GALNTL6: variants seen among roughly 807,000 people sequenced by gnomAD.
GALNTL6 encodes the protein polypeptide N-acetylgalactosaminyltransferase-like 6.
A neutral mutation model predicts 73.7 loss-of-function variants in GALNTL6; 46 were observed. That is an observed-to-expected ratio of 0.62 (90% CI 0.49 to 0.80). The LOEUF (loss-of-function observed/expected upper bound fraction) is 0.80, where lower values mean the gene tolerates loss of function less well. GALNTL6 is among the 30% of genes least tolerant of loss of function. The pLI, the probability that GALNTL6 is intolerant of heterozygous loss-of-function variation, is 0.00. For synonymous variants in GALNTL6, 259 were observed against 263.7 expected, an observed-to-expected ratio of 0.98 and a Z score of 0.17; for missense variants, 604 against 755.0, an observed-to-expected ratio of 0.80 and a Z score of 2.34.
intron 2 of GALNTL6, among the ~76,000 whole-genome samples, chr4:171,818,722 C>T (rs1367457576): frequency 6.6e-6 from 1 of 151,842 alleles, no homozygotes; most frequent in Non-Finnish European, 1.5e-5. Flanking sequence ...AGAGCTCACA[C>T]CTTATATATG....
chr4:172,360,196 C>T (rs1742313934), intron 5 of GALNTL6, among the ~76,000 whole-genome samples: 1 of 152,180 alleles, frequency 6.6e-6, no homozygotes, highest in Non-Finnish European at 1.5e-5. Flanking sequence ...TCCACATCTA[C>T]ATTTAAATAT....
intron 2 of GALNTL6, among the ~76,000 whole-genome samples, chr4:172,199,166 T>C (rs983053184): frequency 6.6e-6 from 1 of 152,210 alleles, no homozygotes; most frequent in African/African-American, 2.4e-5. Context: ...ATTTCATCAG[T>C]GTTTGTTGAG....
At chr4:172,432,824 G>T (rs1731505030) in intron 5 of GALNTL6, among the ~76,000 whole-genome samples, 1 of 151,696 alleles carries the variant, frequency 6.6e-6, no homozygotes, top group African/African-American at 2.4e-5. Context: ...TTTTAACAAA[G>T]AAGAAACTGT....
intron 3 of GALNTL6, among the ~76,000 whole-genome samples, chr4:172,259,413 T>G (rs1738181732): frequency 6.6e-6 from 1 of 151,470 alleles, no homozygotes; most frequent in South Asian, 2.1e-4. Flanking sequence ...TTTAGATAAT[T>G]TTCTATTCAT....
chr4:172,009,757 C>T (rs1026009363), intron 2 of GALNTL6, among the ~76,000 whole-genome samples: 1 of 151,952 alleles, frequency 6.6e-6, no homozygotes, highest in Admixed American at 6.6e-5. Context: ...GGCTTATTTT[C>T]CCAGTCTCTG....
At chr4:172,589,838 T>G (rs1737563422) in intron 5 of GALNTL6, among the ~76,000 whole-genome samples, 1 of 152,196 alleles carries the variant, frequency 6.6e-6, no homozygotes, top group Non-Finnish European at 1.5e-5. Context: ...AGTCTCTCTC[T>G]CTCTCTGTCT....
intron 2 of GALNTL6, among the ~76,000 whole-genome samples, chr4:171,977,018 C>T (rs75321351): frequency 0.036 from 5,434 of 152,162 alleles, 266 homozygotes; most frequent in African/African-American, 0.11. Flanking sequence ...ACTAAGGAAA[C>T]AGGTGAAAAA....
chr4:172,534,441 A>G (rs1735274390), intron 5 of GALNTL6, among the ~76,000 whole-genome samples: 1 of 152,254 alleles, frequency 6.6e-6, no homozygotes, highest in African/African-American at 2.4e-5. Flanking sequence ...GCAAATCTGG[A>G]AAGCAACTAA....
At chr4:172,654,582 C>T (rs573452864) in intron 5 of GALNTL6, among the ~76,000 whole-genome samples, 15 of 152,192 alleles carry the variant, frequency 9.9e-5, no homozygotes, top group African/African-American at 3.1e-4. Context: ...CCATTTTGAA[C>T]GTCAGAAATT....
chr4:172,389,844 A>G (rs1743598487), intron 5 of GALNTL6, among the ~76,000 whole-genome samples: 2 of 152,146 alleles, frequency 1.3e-5, no homozygotes, highest in South Asian at 2.1e-4. Flanking sequence ...CTGGAGGACA[A>G]TAAAACTAAG....
At chr4:172,194,879 C>G (rs190143698) in intron 2 of GALNTL6, among the ~76,000 whole-genome samples, 3 of 152,248 alleles carry the variant, frequency 2.0e-5, no homozygotes, top group African/African-American at 4.8e-5. Context: ...TATGAAGCAA[C>G]TACATTAATA....
At chr4:172,400,340 A>C (rs749706281) in intron 5 of GALNTL6, among the ~76,000 whole-genome samples, 1 of 152,160 alleles carries the variant, frequency 6.6e-6, no homozygotes, top group Non-Finnish European at 1.5e-5. Context: ...TAATTTTGCA[A>C]AATTTATTTG....
At chr4:172,381,183 G>T (rs1488712864) in intron 5 of GALNTL6, among the ~76,000 whole-genome samples, 1 of 152,178 alleles carries the variant, frequency 6.6e-6, no homozygotes, top group Non-Finnish European at 1.5e-5. Flanking sequence ...GGACAAAGAA[G>T]TTAAGACCTA....
chr4:172,806,504 T>C (rs113106992), intron 5 of GALNTL6, among the ~76,000 whole-genome samples: 1 of 152,304 alleles, frequency 6.6e-6, no homozygotes, highest in African/African-American at 2.4e-5. Flanking sequence ...CATTCTCAGG[T>C]GACTTAACCC....
At chr4:172,501,697 T>G (rs142206411) in intron 5 of GALNTL6, among the ~76,000 whole-genome samples, 2 of 152,296 alleles carry the variant, frequency 1.3e-5, no homozygotes, top group Admixed American at 6.5e-5. Flanking sequence ...TCTCAGCATA[T>G]AGACCTTGTA....
chr4:172,635,812 CA>C (rs1242912073), intron 5 of GALNTL6, among the ~76,000 whole-genome samples: 2 of 152,174 alleles, frequency 1.3e-5, no homozygotes, highest in African/African-American at 4.8e-5. Context: ...GGTAGCATAT[CA>C]TACTTCAGAT....
chr4:172,747,838 A>AG (rs60518262), intron 5 of GALNTL6, among the ~76,000 whole-genome samples: 1 of 38,690 alleles, frequency 2.6e-5, no homozygotes. Flanking sequence ...ATTCAGCTTC[A>AG]AAAAAAAAAA....
At chr4:171,967,447 GTTTT>G (rs759348628) in intron 2 of GALNTL6, among the ~76,000 whole-genome samples, 3,565 of 14,368 alleles carry the variant, frequency 0.25, 212 homozygotes, top group African/African-American at 0.32. Flanking sequence ...CCCCCTATGG[GTTTT>G]TTTTTTTTTT....
chr4:172,838,322 C>G (rs1464943516), intron 7 of GALNTL6, among the ~76,000 whole-genome samples: 1 of 152,122 alleles, frequency 6.6e-6, no homozygotes, highest in African/African-American at 2.4e-5. Flanking sequence ...AGGGTGGAGT[C>G]AAGAGCCCAG....
Sources: allele counts gnomAD v4.1 joint callset (sites outside exome capture counted in the v4.1 genomes callset), GRCh38; gene constraint gnomAD v4.1.1; transcripts MANE v1.5; gene names NCBI Gene and HGNC (gene_info 2026-07-23, HGNC 2026-07-21).